Variants in SHISA9 observed in about 807,000 individuals in gnomAD.
SHISA9 encodes shisa family member 9.
SHISA9 carries 13 observed loss-of-function variants against 38.0 expected under a neutral mutation model. The ratio of observed to expected loss-of-function variants is 0.34; its 90% CI spans 0.22 to 0.54. The LOEUF (loss-of-function observed/expected upper bound fraction) is 0.54. SHISA9 is among the 20% of genes least tolerant of loss of function. The probability of loss-of-function intolerance (pLI) is 0.91; values close to 1 mark genes in which losing one functional copy is unlikely to be tolerated. For synonymous variants in SHISA9, 275 were observed against 242.0 expected (o/e 1.14, Z -1.27); for missense variants, 538 against 575.8 (o/e 0.93, Z 0.67).
the SHISA9 span, among the ~76,000 whole-genome samples, chr16:13,518,645 A>G: frequency 6.6e-6 from 1 of 152,232 alleles, no homozygotes; most frequent in South Asian, 2.1e-4. Context: ...TCTCCCCAGG[A>G]TGTTCCCCAT....
chr16:13,142,647 A>G (rs2050411569), intron 2 of SHISA9, among the ~76,000 whole-genome samples: 1 of 152,130 alleles, frequency 6.6e-6, no homozygotes, highest in South Asian at 2.1e-4. Context: ...CATCTGGCTC[A>G]AGGTACCCTG....
the SHISA9 span, among the ~76,000 whole-genome samples, chr16:13,467,817 A>G: frequency 5.9e-5 from 9 of 152,174 alleles, no homozygotes; most frequent in Middle Eastern, 3.4e-3. Context: ...TTTCTTTTCT[A>G]TTCACCTAAC....
the SHISA9 span, among the ~76,000 whole-genome samples, chr16:13,415,141 A>G: frequency 6.6e-6 from 1 of 152,212 alleles, no homozygotes; most frequent in Non-Finnish European, 1.5e-5. Context: ...TTCATGATGT[A>G]CAGAAAAACC....
the SHISA9 span, among the ~76,000 whole-genome samples, chr16:13,387,900 A>G: frequency 1.3e-5 from 2 of 151,770 alleles, no homozygotes; most frequent in Admixed American, 6.6e-5. Context: ...CAATTATGAA[A>G]TTTTCTTGGA....
chr16:13,341,311 T>G, the SHISA9 span, among the ~76,000 whole-genome samples: 1 of 152,218 alleles, frequency 6.6e-6, no homozygotes, highest in Non-Finnish European at 1.5e-5. Flanking sequence ...TTCTTCACAT[T>G]TTCTGCAGAT....
intron 4 of SHISA9, among the ~76,000 whole-genome samples, chr16:13,229,995 T>G (rs1035955573): frequency 3.3e-5 from 5 of 152,164 alleles, no homozygotes; most frequent in African/African-American, 9.7e-5. Context: ...GTTATACATT[T>G]ATGTAATTTG....
At chr16:13,056,180 T>G (rs1008839469) in intron 2 of SHISA9, among the ~76,000 whole-genome samples, 2 of 152,156 alleles carry the variant, frequency 1.3e-5, no homozygotes, top group African/African-American at 4.8e-5. Context: ...TGGGCTCAAC[T>G]CTGAACACTT....
At chr16:12,914,781 T>G (rs961206933) in intron 1 of SHISA9, among the ~76,000 whole-genome samples, 10 of 152,216 alleles carry the variant, frequency 6.6e-5, no homozygotes, top group Admixed American at 6.5e-4. Context: ...CAAATTTGAA[T>G]GTGTAGCAGA....
At chr16:13,439,852 G>C in the SHISA9 span, among the ~76,000 whole-genome samples, 1 of 152,182 alleles carries the variant, frequency 6.6e-6, no homozygotes, top group Non-Finnish European at 1.5e-5. Flanking sequence ...TAAAAGGTCA[G>C]CTCTCAAAAG....
intron 2 of SHISA9, among the ~76,000 whole-genome samples, chr16:13,202,843 G>T (rs978021503): frequency 6.6e-6 from 1 of 152,126 alleles, no homozygotes; most frequent in East Asian, 1.9e-4. Context: ...GCTAAAAGTG[G>T]TATTGTTCAG....
At chr16:13,181,605 G>A (rs2050780069) in intron 2 of SHISA9, among the ~76,000 whole-genome samples, 1 of 151,846 alleles carries the variant, frequency 6.6e-6, no homozygotes, top group African/African-American at 2.4e-5. Flanking sequence ...TTAGTTAAGG[G>A]GTCTGAAGCA....
chr16:13,353,276 T>G, the SHISA9 span, among the ~76,000 whole-genome samples: 2 of 152,074 alleles, frequency 1.3e-5, no homozygotes, highest in African/African-American at 4.8e-5. Flanking sequence ...TACGGTTTTG[T>G]ATGAACTGAA....
chr16:13,449,206 A>C, the SHISA9 span, among the ~76,000 whole-genome samples: 5 of 152,238 alleles, frequency 3.3e-5, no homozygotes, highest in African/African-American at 1.2e-4. Context: ...TATACAATAT[A>C]GTCTCAAGTT....
the SHISA9 span, among the ~76,000 whole-genome samples, chr16:13,380,756 T>C: frequency 6.6e-6 from 1 of 152,130 alleles, no homozygotes; most frequent in African/African-American, 2.4e-5. Flanking sequence ...TGTGCCCTGG[T>C]TGTTTGCTGC....
chr16:13,047,422 T>G (rs575745186), intron 2 of SHISA9, among the ~76,000 whole-genome samples: 2 of 152,108 alleles, frequency 1.3e-5, no homozygotes, highest in South Asian at 4.1e-4. Flanking sequence ...CAGCCCCAGA[T>G]TGTGGCAGAT....
chr16:13,102,131 C>T (rs965139950), intron 2 of SHISA9, among the ~76,000 whole-genome samples: 2 of 152,188 alleles, frequency 1.3e-5, no homozygotes, highest in African/African-American at 4.8e-5. Flanking sequence ...GAAGTTGGGG[C>T]TACTAATCTG....
intron 2 of SHISA9, among the ~76,000 whole-genome samples, chr16:12,970,497 ATTTTTTTTTTT>A (rs146879130): frequency 9.7e-4 from 17 of 17,570 alleles, no homozygotes; most frequent in African/African-American, 1.7e-3. Flanking sequence ...ATATATATAT[ATTTTTTTTTTT>A]TTTTTTTTTT....
the SHISA9 span, among the ~76,000 whole-genome samples, chr16:13,410,973 G>A: frequency 9.2e-5 from 14 of 152,258 alleles, no homozygotes; most frequent in Non-Finnish European, 1.8e-4. Flanking sequence ...GTTGCTTGGA[G>A]TGTTAAAAAA....
chr16:13,434,493 C>T, the SHISA9 span, among the ~76,000 whole-genome samples: 2 of 143,808 alleles, frequency 1.4e-5, no homozygotes, highest in Non-Finnish European at 3.0e-5. Flanking sequence ...TCTCGGCTCA[C>T]TGCAAGCTCC....
Sources: allele counts gnomAD v4.1 joint callset (sites outside exome capture counted in the v4.1 genomes callset), GRCh38; gene constraint gnomAD v4.1.1; transcripts MANE v1.5; gene names NCBI Gene and HGNC (gene_info 2026-07-23, HGNC 2026-07-21).